Variants in PLA2G4E observed in about 807,000 individuals in gnomAD.
PLA2G4E encodes the protein cytosolic phospholipase A2 epsilon.
A neutral mutation model predicts 109.1 loss-of-function variants in PLA2G4E; 84 were observed. That is an observed-to-expected ratio of 0.77 (90% CI 0.65 to 0.92). The LOEUF (loss-of-function observed/expected upper bound fraction) is 0.92, where lower values mean the gene tolerates loss of function less well. PLA2G4E is among the 40% of genes least tolerant of loss of function. The pLI is 0.00. For synonymous variants in PLA2G4E, 469 were observed against 436.1 expected (o/e 1.08, Z -0.94); for missense variants, 1,057 against 1,076.6 (o/e 0.98, Z 0.25).
chr15:42,010,232 T>C (rs1000065610), intron 2 of PLA2G4E: 1 of 495,882 alleles, frequency 2.0e-6, no homozygotes, highest in African/African-American at 2.0e-5. Flanking sequence ...GGTTCTGTAA[T>C]GCACTTGGCG....
intron 1 of PLA2G4E, among the ~76,000 whole-genome samples, chr15:42,038,523 C>T (rs1010357856): frequency 5.9e-5 from 9 of 152,336 alleles, no homozygotes; most frequent in Middle Eastern, 3.4e-3. Context: ...ATAGGCAGTT[C>T]AGAATAGTGT....
chr15:41,995,646 TG>T (rs762721239), intron 11 of PLA2G4E, 150 bp from the exon 12 acceptor site: 3 of 969,056 alleles, frequency 3.1e-6, no homozygotes, highest in Non-Finnish European at 4.6e-6. Flanking sequence ...ACCTGACACC[TG>T]CCTTTCCACA....
At chr15:41,986,967 G>C in intron 17 of PLA2G4E, 1 of 603,510 alleles carries the variant, frequency 1.7e-6, no homozygotes, top group Admixed American at 2.9e-5. Context: ...AGTGAGTTAA[G>C]TACCCACACC....
chr15:42,044,302 A>T (rs1244883844), intron 1 of PLA2G4E, among the ~76,000 whole-genome samples: 3 of 152,150 alleles, frequency 2.0e-5, no homozygotes, highest in Non-Finnish European at 4.4e-5. Flanking sequence ...TGAAACCTGT[A>T]GGAAAATCGG....
chr15:42,021,412 C>G (rs2068647366), intron 1 of PLA2G4E, among the ~76,000 whole-genome samples: 1 of 151,812 alleles, frequency 6.6e-6, no homozygotes, highest in Non-Finnish European at 1.5e-5. Context: ...CATAGATGCC[C>G]CTCTAGGAGG....
chr15:42,040,251 C>T (rs187594466), intron 1 of PLA2G4E, among the ~76,000 whole-genome samples: 1 of 152,190 alleles, frequency 6.6e-6, no homozygotes, highest in Non-Finnish European at 1.5e-5. Context: ...AGGCCTAGAG[C>T]ATCCAGAGAC....
At chr15:42,005,956 A>G (rs2068471526) in intron 4 of PLA2G4E, 34 bp downstream of exon 4, 1 of 1,608,276 alleles carries the variant, frequency 6.2e-7, no homozygotes, top group Non-Finnish European at 8.5e-7. Context: ...GTTATCATGA[A>G]GCCGGAGTCT....
rs557959747 is a variant in PLA2G4E, at chr15:41,994,010, C to T, written c.1248-1051G>A. On this transcript the variant is annotated intron_variant, in intron 12 of 19. Transcript: ENST00000399518. ...ATAGTAGTCCGGGAGGACGCAGGTG[C>T]CCCTCAACCTGCTGGAAGCAAGTTA... Among the ~76,000 whole-genome samples the T allele has an allele frequency of 4.7e-5, 7 of 147,604 alleles. No individual in the cohort carries two copies. The South Asian group carries it at 1.6e-3, about 35-fold the overall frequency.
In PLA2G4E at chr15:41,999,955, C is replaced by T. The variant is rs374924494; in HGVS notation, c.898G>A (p.Asp300Asn). ...ATCACCTGACCATCGGAAAGGCAGT[C>T]GAGGGGCTGGCTGATGGGGCCCTTC... The change falls in exon 9 of 20, where the codon GAC becomes AAC. Residue 300 changes from aspartate to asparagine, a missense_variant. By Grantham distance (23) the Asp-to-Asn change is conservative (BLOSUM62 1). Transcript: ENST00000399518. The T allele has an allele frequency of 1.0e-4, 169 of 1,611,478 alleles. No individual in the cohort carries two copies. Among genetic ancestry groups the T allele is most frequent in the East Asian group, 5.6e-4 (25 of 44,790 alleles).
chr15:41,995,464 A>T, exon 12 of PLA2G4E: 1 of 1,613,826 alleles, frequency 6.2e-7, no homozygotes. Flanking sequence ...ATCTTGTTCC[A>T]CCCCCAGTGG....
intron 1 of PLA2G4E, among the ~76,000 whole-genome samples, chr15:42,024,011 C>T (rs927062120): frequency 3.9e-5 from 6 of 152,154 alleles, no homozygotes; most frequent in Non-Finnish European, 8.8e-5. Context: ...GGGTGCCCAT[C>T]TCTGTGCTGA....
At chr15:42,049,168 G>A (rs1712414) in intron 1 of PLA2G4E, among the ~76,000 whole-genome samples, 14,343 of 152,166 alleles carry the variant, frequency 0.094, 725 homozygotes, top group South Asian at 0.19. Context: ...GGGAATGGTG[G>A]GATAGTGTGG....
Position 41,988,046 on chromosome 15 carries a change from C to T in PLA2G4E, c.1831+3G>A. 1 of 1,592,490 alleles carries T rather than the reference C, an allele frequency of 6.3e-7. No homozygotes were observed. Among genetic ancestry groups the T allele is most frequent in the Non-Finnish European group, 8.6e-7 (1 of 1,167,430 alleles). On this transcript the variant is annotated splice_donor_region_variant and intron_variant, in intron 16 of 19. Coordinates refer to ENST00000399518, the Ensembl canonical transcript of PLA2G4E. ...GCCATGAGGGAAAGCCGGGGTCACC[C>T]ACCGATGTCCTGCACTTTCTCCCTT...
At chr15:42,015,708 T>C (rs2068587086) in intron 1 of PLA2G4E, among the ~76,000 whole-genome samples, 1 of 152,222 alleles carries the variant, frequency 6.6e-6, no homozygotes, top group Non-Finnish European at 1.5e-5. Flanking sequence ...AGGCTGTTGC[T>C]TTCCAGGCTT....
At chr15:42,037,870 G>T (rs1033469811) in intron 1 of PLA2G4E, among the ~76,000 whole-genome samples, 1 of 152,218 alleles carries the variant, frequency 6.6e-6, no homozygotes, top group Non-Finnish European at 1.5e-5. Context: ...CATGTAGCCA[G>T]ACCCCACGTT....
At chr15:42,046,642 A>G (rs1176852399) in intron 1 of PLA2G4E, among the ~76,000 whole-genome samples, 1 of 152,176 alleles carries the variant, frequency 6.6e-6, no homozygotes, top group African/African-American at 2.4e-5. Flanking sequence ...CCACATTGAA[A>G]TGTAAGTTTC....
intron 13 of PLA2G4E, 109 bp from the exon 14 acceptor site, chr15:41,990,344 G>T: frequency 1.1e-6 from 1 of 937,964 alleles, no homozygotes; most frequent in Non-Finnish European, 1.7e-6. Flanking sequence ...TGGCTCCTGA[G>T]CTCACCGGGC....
intron 5 of PLA2G4E, among the ~76,000 whole-genome samples, chr15:42,003,902 TTTCC>T (rs1328294788): frequency 6.6e-6 from 1 of 151,378 alleles, no homozygotes. Context: ...CTTTCCTTGC[TTTCC>T]TTCCTTCCTT....
At chr15:42,023,517 T>C (rs1278253773) in intron 1 of PLA2G4E, among the ~76,000 whole-genome samples, 1 of 152,010 alleles carries the variant, frequency 6.6e-6, no homozygotes, top group Non-Finnish European at 1.5e-5. Flanking sequence ...ATGTGAACCA[T>C]CTGGGATAGG....
Sources: allele counts gnomAD v4.1 joint callset (sites outside exome capture counted in the v4.1 genomes callset), GRCh38; gene constraint gnomAD v4.1.1; transcripts MANE v1.5; gene names NCBI Gene and HGNC (gene_info 2026-07-23, HGNC 2026-07-21).